Variants in ANKS1B observed in about 807,000 individuals in gnomAD.
The protein encoded by ANKS1B is ankyrin repeat and sterile alpha motif domain containing 1B.
Under a neutral mutation model 148.3 loss-of-function variants are expected in ANKS1B, and 36 were observed. The ratio of observed to expected loss-of-function variants is 0.24; its 90% confidence interval spans 0.19 to 0.32. The LOEUF is 0.32. Ranked by LOEUF, ANKS1B falls within the 10% of genes least tolerant of loss-of-function variation. ANKS1B has a pLI of 1.00. For missense variants in ANKS1B, 1,157 were observed against 1,542.6 expected (o/e 0.75, Z 4.19); for synonymous variants, 542 against 560.8 (o/e 0.97, Z 0.47).
intron 1 of ANKS1B, among the ~76,000 whole-genome samples, chr12:99,934,368 G>A (rs1420690343): frequency 2.0e-5 from 3 of 152,048 alleles, no homozygotes; most frequent in Non-Finnish European, 4.4e-5. Context: ...TTAAATGTTT[G>A]GTAAAATTTA....
At chr12:99,025,045 G>C (rs59933236) in intron 17 of ANKS1B, among the ~76,000 whole-genome samples, 5,540 of 152,112 alleles carry the variant, frequency 0.036, 349 homozygotes, top group African/African-American at 0.13. Context: ...GTGATTCCCC[G>C]GTAACTCTGT....
At chr12:98,818,508 C>T (rs2099160077) in intron 19 of ANKS1B, among the ~76,000 whole-genome samples, 1 of 152,110 alleles carries the variant, frequency 6.6e-6, no homozygotes, top group Non-Finnish European at 1.5e-5. Flanking sequence ...AGGGATGTTG[C>T]AGGGAATTTG....
At chr12:98,887,700 T>C (rs186576870) in intron 17 of ANKS1B, among the ~76,000 whole-genome samples, 1 of 152,214 alleles carries the variant, frequency 6.6e-6, no homozygotes, top group African/African-American at 2.4e-5. Context: ...CTCTGTCTCC[T>C]GGGTTCATGA....
intron 17 of ANKS1B, among the ~76,000 whole-genome samples, chr12:98,898,451 C>T (rs2152756515): frequency 6.6e-6 from 1 of 152,206 alleles, no homozygotes; most frequent in Middle Eastern, 3.4e-3. Context: ...GGTACCAGAA[C>T]AGCATAAAGG....
Position 99,563,397 on chromosome 12 carries a change from T to C in ANKS1B, c.1273-58756A>G, listed in dbSNP as rs192722562. Among the ~76,000 whole-genome samples, 21 of 152,274 alleles carry C rather than the reference T, an allele frequency of 1.4e-4. No individual in the cohort carries two copies. In the East Asian group the frequency reaches 3.1e-3, roughly 22 times the overall value. ...TCTCACTTGAACACTTAAGAGCCCA[T>C]TGCAGGGCTATTAATTGGCTTAATT... On this transcript the variant is annotated intron_variant, in intron 9 of 26. Transcript: ENST00000683438.
intron 17 of ANKS1B, among the ~76,000 whole-genome samples, chr12:98,952,970 T>C (rs1268995903): frequency 1.3e-5 from 2 of 152,000 alleles, no homozygotes; most frequent in Non-Finnish European, 2.9e-5. Context: ...GTGATCCTCC[T>C]GCCTCAGCCT....
chr12:99,474,519 T>A (rs769408659), intron 10 of ANKS1B, among the ~76,000 whole-genome samples: 74 of 152,084 alleles, frequency 4.9e-4, no homozygotes, highest in African/African-American at 7.9e-4. Context: ...CACATTTTTT[T>A]AAAAAAGTTC....
At chr12:99,012,983 G>T (rs1191015625) in intron 17 of ANKS1B, among the ~76,000 whole-genome samples, 18 of 152,160 alleles carry the variant, frequency 1.2e-4, no homozygotes, top group Admixed American at 1.2e-3. Context: ...CTTAAAGCAG[G>T]TAAGAGTTCT....
At chr12:98,780,973 A>C (rs1593452541) in intron 24 of ANKS1B, 144 bp downstream of exon 24, 1 of 594,316 alleles carries the variant, frequency 1.7e-6, no homozygotes, top group Non-Finnish European at 3.0e-6. Context: ...GCGTGTATCT[A>C]TAGGTATATG....
At chr12:99,085,863 G>A (rs771717098) in intron 15 of ANKS1B, among the ~76,000 whole-genome samples, 6 of 152,166 alleles carry the variant, frequency 3.9e-5, no homozygotes, top group Non-Finnish European at 7.3e-5. Flanking sequence ...GCCTGTTGGA[G>A]GGTGGAGGAT....
chr12:99,188,170 T>C (rs1322110622), intron 14 of ANKS1B, among the ~76,000 whole-genome samples: 1 of 152,150 alleles, frequency 6.6e-6, no homozygotes, highest in African/African-American at 2.4e-5. Flanking sequence ...ATGCACTCAA[T>C]AGAGGAGCAC....
At chr12:99,575,782 C>T (rs1316201231) in intron 9 of ANKS1B, among the ~76,000 whole-genome samples, 1 of 152,004 alleles carries the variant, frequency 6.6e-6, no homozygotes, top group African/African-American at 2.4e-5. Flanking sequence ...ATATCAAGTA[C>T]TTTCCACCAA....
intron 15 of ANKS1B, among the ~76,000 whole-genome samples, chr12:99,112,227 C>T (rs971971725): frequency 6.6e-6 from 1 of 152,096 alleles, no homozygotes; most frequent in East Asian, 1.9e-4. Context: ...TTCCTCATGC[C>T]TGTGTTAAGA....
intron 9 of ANKS1B, among the ~76,000 whole-genome samples, chr12:99,528,415 CAG>C (rs1355940661): frequency 7.7e-6 from 1 of 129,856 alleles, no homozygotes; most frequent in Non-Finnish European, 1.6e-5. Flanking sequence ...AGCCAAAAAA[CAG>C]AACAAAAACA....
intron 17 of ANKS1B, among the ~76,000 whole-genome samples, chr12:98,926,843 G>A (rs918322362): frequency 6.6e-6 from 1 of 151,840 alleles, no homozygotes; most frequent in Non-Finnish European, 1.5e-5. Context: ...GAGGAAAAAA[G>A]AATGAAGAAA....
At chr12:99,045,261 T>C (rs976086356) in intron 17 of ANKS1B, among the ~76,000 whole-genome samples, 2 of 152,176 alleles carry the variant, frequency 1.3e-5, no homozygotes, top group Admixed American at 1.3e-4. Flanking sequence ...TGGAGGCACA[T>C]GTGTTTTTTA....
At chr12:99,513,065 A>C (rs1672362990) in intron 9 of ANKS1B, among the ~76,000 whole-genome samples, 1 of 151,960 alleles carries the variant, frequency 6.6e-6, no homozygotes, top group African/African-American at 2.4e-5. Context: ...AAAGAAAAAA[A>C]AAAAACTGTC....
chr12:99,464,271 C>T (rs1382047517), intron 10 of ANKS1B, among the ~76,000 whole-genome samples: 1 of 152,064 alleles, frequency 6.6e-6, no homozygotes, highest in Non-Finnish European at 1.5e-5. Flanking sequence ...GAAAGGACAT[C>T]CACACCAAAA....
chr12:99,585,831 T>C (rs2097631279), intron 9 of ANKS1B, among the ~76,000 whole-genome samples: 2 of 152,082 alleles, frequency 1.3e-5, no homozygotes, highest in African/African-American at 4.8e-5. Context: ...GGAGCAGAAA[T>C]GCAGGGCACC....
Sources: allele counts gnomAD v4.1 joint callset (sites outside exome capture counted in the v4.1 genomes callset), GRCh38; gene constraint gnomAD v4.1.1; transcripts MANE v1.5; gene names NCBI Gene and HGNC (gene_info 2026-07-23, HGNC 2026-07-21).